The following CCPG1 variants were observed in gnomAD, a reference collection of about 807,000 sequenced individuals.
CCPG1 encodes the protein cell cycle progression 1.
CCPG1 carries 46 observed loss-of-function variants against 81.3 expected under a neutral mutation model. The observed-to-expected ratio is 0.57, with a 90% CI of 0.45 to 0.72. The LOEUF (loss-of-function observed/expected upper bound fraction) is 0.72, where lower values mean the gene tolerates loss of function less well. CCPG1 is among the 30% of genes least tolerant of loss of function. The pLI, the probability that CCPG1 is intolerant of heterozygous loss-of-function variation, is 0.00. For missense variants in CCPG1, 902 were observed against 937.6 expected (o/e 0.96, Z 0.50); for synonymous variants, 330 against 305.2 (o/e 1.08, Z -0.85).
rs748920042 is a variant in CCPG1 at position 55,372,058 on chromosome 15, A to C, written c.455-14T>G. The stretch of plus-strand genomic sequence containing the variant: ...GAGATGAAAATACTATTAAGAAAAA[A>C]GTTGACATTTAGCTATTCAAAATCT... On this transcript the variant is annotated splice_polypyrimidine_tract_variant and intron_variant, in intron 5 of 8. Transcript: ENST00000442196. 1.5e-5 allele frequency: 24 copies of C among 1,606,990 alleles called. No homozygotes were observed. The highest frequency in any genetic ancestry group is 2.0e-5 in the Non-Finnish European group (24 of 1,175,980).
chr15:55,360,024 A>T lies in CCPG1; in HGVS notation c.1749T>A (p.Asn583Lys). Residue 583 changes from asparagine to lysine, a missense_variant, in exon 8 of 9, where the codon AAT (asparagine) becomes AAA (lysine). By Grantham distance (94) the Asn-to-Lys change is moderately conservative (BLOSUM62 0). This residue lies in a region of CCPG1 where 746 missense variants were observed against 728.6 expected (regional missense o/e 1.02). Coordinates refer to ENST00000442196, the MANE Select transcript of CCPG1 (RefSeq NM_001204450.2). ...QYKAPTENHH[N>K]RGPTMQNDGR... ...CATCATTTTGCATAGTAGGGCCTCT[A>T]TTATGATGGTTTTCTGTAGGTGCCT... The T allele has an allele frequency of 6.2e-7, 1 of 1,613,558 alleles. No homozygotes were observed. The highest frequency in any genetic ancestry group is 1.1e-5 in the South Asian group (1 of 91,012).
At chr15:55,379,091 A>G (rs2056624706) in intron 3 of CCPG1, among the ~76,000 whole-genome samples, 1 of 151,370 alleles carries the variant, frequency 6.6e-6, no homozygotes. Flanking sequence ...ATGGCTGTCA[A>G]TGCCTGGTAC....
At chr15:55,376,703 C>T (rs1046518015) in intron 5 of CCPG1, among the ~76,000 whole-genome samples, 2 of 152,182 alleles carry the variant, frequency 1.3e-5, no homozygotes, top group African/African-American at 4.8e-5. Flanking sequence ...ACAAATCTCA[C>T]TGAAGCAATT....
Position 55,385,771 on chromosome 15 carries a change from T to G in CCPG1, c.61-57A>C, listed in dbSNP as rs1595851953. The G allele has an allele frequency of 4.6e-6, 4 of 871,648 alleles. No homozygotes were observed. In the Admixed American group the frequency reaches 5.7e-5, roughly 12 times the overall value. 54.0% of individuals were successfully genotyped at this position (871,648 alleles called of 1,614,324 possible). ...GCCTATTAGCTCCTCAAAGCTAGAT[T>G]TGACTACATGTAAATGCTTCTTCCA... On this transcript the variant is annotated intron_variant, in intron 2 of 8. Coordinates refer to ENST00000442196, the MANE Select transcript of CCPG1 (RefSeq NM_001204450.2).
intron 7 of CCPG1, among the ~76,000 whole-genome samples, chr15:55,364,430 G>A (rs1183626259): frequency 6.6e-6 from 1 of 150,896 alleles, no homozygotes; most frequent in African/African-American, 2.4e-5. Flanking sequence ...TTCGCTCTGT[G>A]AAAATAATGT....
chr15:55,380,707 G>A (rs542885807), intron 3 of CCPG1, among the ~76,000 whole-genome samples: 106 of 151,924 alleles, frequency 7.0e-4, no homozygotes, highest in Non-Finnish European at 2.6e-4. Context: ...GTGAGATTCC[G>A]CCACAGTACT....
intron 2 of CCPG1, 38 bp from the exon 3 acceptor site, chr15:55,385,752 T>A (rs1024466375): frequency 9.0e-6 from 10 of 1,117,302 alleles, no homozygotes; most frequent in Non-Finnish European, 1.2e-5. Context: ...ATTTGCCTAT[T>A]AGCTCCTCAA....
chr15:55,363,533 T>A (rs1342778694), intron 7 of CCPG1, among the ~76,000 whole-genome samples: 1 of 150,446 alleles, frequency 6.6e-6, no homozygotes, highest in Non-Finnish European at 1.5e-5. Context: ...TATTTATAAT[T>A]AACTTCAGAA....
intron 8 of CCPG1, chr15:55,359,032 AAAGATAATT>A (rs1191410633): frequency 1.0e-6 from 1 of 983,352 alleles, no homozygotes; most frequent in Non-Finnish European, 1.2e-6. Context: ...TACCTTTATC[AAAGATAATT>A]ATGTGACTAA....
At chr15:55,375,281 T>C (rs1159809709) in intron 5 of CCPG1, among the ~76,000 whole-genome samples, 1 of 152,218 alleles carries the variant, frequency 6.6e-6, no homozygotes, top group Non-Finnish European at 1.5e-5. Context: ...AGTATGTAGT[T>C]CCTTTTACGT....
intron 8 of CCPG1, chr15:55,357,161 C>G: frequency 1.1e-6 from 1 of 945,774 alleles, no homozygotes. Context: ...TCAGTAGTTA[C>G]CTCCAAACAC....
intron 1 of CCPG1, among the ~76,000 whole-genome samples, chr15:55,407,141 T>C (rs1412904789): frequency 6.6e-6 from 1 of 150,404 alleles, no homozygotes; most frequent in Non-Finnish European, 1.5e-5. Flanking sequence ...GGCAGGAGAA[T>C]CGTTTGAAAC....
chr15:55,374,492 G>A (rs1473465503), intron 5 of CCPG1, among the ~76,000 whole-genome samples: 5 of 151,748 alleles, frequency 3.3e-5, no homozygotes, highest in Non-Finnish European at 5.9e-5. Flanking sequence ...CCAACAAAAC[G>A]TACACTGCCA....
intron 7 of CCPG1, among the ~76,000 whole-genome samples, chr15:55,362,090 G>A (rs758247086): frequency 6.6e-6 from 1 of 152,136 alleles, no homozygotes; most frequent in Non-Finnish European, 1.5e-5. Context: ...TTCAATAAGG[G>A]TATCCTTGAC....
chr15:55,360,959 G>T lies in CCPG1; in HGVS notation c.829-15C>A, dbSNP rs2056180366. On this transcript the variant is annotated splice_polypyrimidine_tract_variant and intron_variant, in intron 7 of 8. Transcript: ENST00000442196. ...TCTTTCAATGACTACATTTTTTTTT[G>T]AAAGAGAAGAAATAAAATGTCAAAT... 15 of 1,482,202 alleles carry T rather than the reference G, an allele frequency of 1.0e-5. No homozygotes were observed. Among genetic ancestry groups the T allele is most frequent in the South Asian group, 2.8e-5 (2 of 71,598 alleles). The allele number at this position is 1,482,202 out of a possible 1,614,324, so 91.8% of individuals were successfully genotyped here.
At chr15:55,386,491 T>G (rs887590363) in intron 2 of CCPG1, among the ~76,000 whole-genome samples, 9 of 152,206 alleles carry the variant, frequency 5.9e-5, no homozygotes, top group African/African-American at 2.2e-4. Context: ...ACCACTAAGG[T>G]GATTCCGTCT....
At position 55,356,317 on chromosome 15, in the gene CCPG1, C is replaced by CT; in HGVS notation, c.2326dup (p.Arg776LysfsTer4). On this transcript the variant is annotated frameshift_variant, in exon 9 of 9. Transcript: ENST00000442196. LOFTEE classifies it high-confidence loss of function. ...ACCATATTTATGCCATTTACCTTCC[C>CT]TTTTATAAGGCTGTGGCTGAAGGTG... 1 of 1,535,646 alleles carries CT rather than the reference C, an allele frequency of 6.5e-7. No individual in the cohort carries two copies. Among genetic ancestry groups the CT allele is most frequent in the Non-Finnish European group, 8.7e-7 (1 of 1,146,758 alleles).
At chr15:55,369,382 A>T (rs2056401034) in intron 6 of CCPG1, among the ~76,000 whole-genome samples, 1 of 152,110 alleles carries the variant, frequency 6.6e-6, no homozygotes, top group Non-Finnish European at 1.5e-5. Flanking sequence ...CTAAAAATAC[A>T]AAATTAGCTG....
intron 6 of CCPG1, among the ~76,000 whole-genome samples, chr15:55,369,874 T>C: frequency 6.6e-6 from 1 of 152,192 alleles, no homozygotes; most frequent in East Asian, 1.9e-4. Flanking sequence ...TAAATCACTA[T>C]CCAATTTTTT....
Sources: allele counts gnomAD v4.1 joint callset (sites outside exome capture counted in the v4.1 genomes callset), GRCh38; gene constraint gnomAD v4.1.1; regional missense constraint gnomAD v4.1.1; transcripts MANE v1.5; gene names NCBI Gene and HGNC (gene_info 2026-07-23, HGNC 2026-07-21).